Variants in LMX1A observed in about 807,000 individuals in gnomAD.
LMX1A encodes LIM homeobox transcription factor 1 alpha.
LMX1A carries 15 observed loss-of-function variants against 49.1 expected under a neutral mutation model. The ratio of observed to expected loss-of-function variants is 0.31; its 90% CI spans 0.20 to 0.47. The LOEUF (loss-of-function observed/expected upper bound fraction) is 0.47, where lower values mean the gene tolerates loss of function less well. Ranked by LOEUF, LMX1A falls within the 20% of genes least tolerant of loss-of-function variation. The pLI is 1.00. For synonymous variants in LMX1A, 167 were observed against 185.7 expected (o/e 0.90, Z 0.82); for missense variants, 372 against 475.8 (o/e 0.78, Z 2.03).
intron 3 of LMX1A, among the ~76,000 whole-genome samples, chr1:165,265,738 C>A (rs1011641955): frequency 2.0e-5 from 3 of 152,128 alleles, no homozygotes; most frequent in African/African-American, 7.2e-5. Context: ...CAGGTCAGTA[C>A]CTTAACTCCA....
chr1:165,324,407 G>A (rs995195502), intron 3 of LMX1A, among the ~76,000 whole-genome samples: 29 of 152,134 alleles, frequency 1.9e-4, no homozygotes, highest in African/African-American at 6.8e-4. Flanking sequence ...GCCTTTGAGT[G>A]TCCACAGTGC....
chr1:165,255,628 C>T lies in LMX1A; in HGVS notation c.264-5988G>A, dbSNP rs985242248. On this transcript the variant is annotated intron_variant, in intron 3 of 8. Transcript: ENST00000342310. ...ATTTTTTGGGCCTTTATCATTTGAC[C>T]TTTGCAGATTTTTCTTTCTTGCCTC... Among the ~76,000 whole-genome samples, 33 of 152,138 alleles carry T rather than the reference C, an allele frequency of 2.2e-4. 1 individual carries two copies. The highest frequency in any genetic ancestry group is 1.3e-4 in the Admixed American group (2 of 15,282).
intron 3 of LMX1A, among the ~76,000 whole-genome samples, chr1:165,345,354 A>G (rs1368886186): frequency 6.6e-6 from 1 of 152,210 alleles, no homozygotes; most frequent in Non-Finnish European, 1.5e-5. Context: ...TAAGAGATGA[A>G]GGATGCTTCT....
chr1:165,346,063 A>G (rs1313505897), intron 3 of LMX1A, among the ~76,000 whole-genome samples: 1 of 152,208 alleles, frequency 6.6e-6, no homozygotes, highest in Non-Finnish European at 1.5e-5. Context: ...GTCCAGATAC[A>G]GCATGTGGTC....
chr1:165,298,484 A>G (rs1186760834), intron 3 of LMX1A, among the ~76,000 whole-genome samples: 1 of 152,248 alleles, frequency 6.6e-6, no homozygotes, highest in Non-Finnish European at 1.5e-5. Flanking sequence ...GTCCAGGTGC[A>G]AGAACACACA....
At chr1:165,350,391 A>C (rs114578159) in intron 3 of LMX1A, among the ~76,000 whole-genome samples, 3 of 152,224 alleles carry the variant, frequency 2.0e-5, no homozygotes, top group African/African-American at 4.8e-5. Context: ...TGGCAAGGAC[A>C]ACACAGATGC....
Position 165,355,574 on chromosome 1 carries a change from G to C in LMX1A, c.-15C>G, listed in dbSNP as rs761410142. 6.2e-7 allele frequency: 1 copy of C among 1,612,664 alleles called. No individual in the cohort carries two copies. The highest frequency in any genetic ancestry group is 2.2e-5 in the East Asian group (1 of 44,824). On this transcript the variant is annotated 5_prime_UTR_variant, in exon 2 of 9. Transcript: ENST00000342310. This position sits in a 1 kb window ranked among gnomAD's most constrained non-coding sequence, Gnocchi z 4.7. ...CCGTCCAGCATGTTCGGGCCGGGCC[G>C]GGAGGACCTGTAGAGGAGAAGAAAC...
At chr1:165,291,856 A>G (rs191160364) in intron 3 of LMX1A, among the ~76,000 whole-genome samples, 2,156 of 151,932 alleles carry the variant, frequency 0.014, 48 homozygotes, top group African/African-American at 0.049. Flanking sequence ...AAGGTCAGGA[A>G]ATCGAGACCA....
intron 3 of LMX1A, among the ~76,000 whole-genome samples, chr1:165,287,687 C>T (rs907306801): frequency 6.6e-6 from 1 of 152,070 alleles, no homozygotes; most frequent in Non-Finnish European, 1.5e-5. Flanking sequence ...TTGAGGAATA[C>T]TCTAACTCAA....
intron 4 of LMX1A, among the ~76,000 whole-genome samples, chr1:165,224,558 T>A (rs989366055): frequency 7.9e-5 from 12 of 152,312 alleles, no homozygotes; most frequent in Admixed American, 7.8e-4. Context: ...TTCTATATAA[T>A]TAGAATAAGC....
chr1:165,312,383 G>A (rs1655100814), intron 3 of LMX1A, among the ~76,000 whole-genome samples: 1 of 152,102 alleles, frequency 6.6e-6, no homozygotes, highest in South Asian at 2.1e-4. Context: ...CATAAAACAG[G>A]TATGCTTATC....
intron 3 of LMX1A, among the ~76,000 whole-genome samples, chr1:165,317,006 C>T (rs147302336): frequency 1.9e-3 from 293 of 152,290 alleles, no homozygotes; most frequent in Non-Finnish European, 3.6e-3. Flanking sequence ...GGATTATTTA[C>T]GGAACTGATA....
At chr1:165,297,620 T>A (rs1571208660) in intron 3 of LMX1A, among the ~76,000 whole-genome samples, 1 of 151,678 alleles carries the variant, frequency 6.6e-6, no homozygotes. Context: ...GTGGCTAGAG[T>A]CTAGTAGAAA....
intron 4 of LMX1A, among the ~76,000 whole-genome samples, chr1:165,244,690 G>A (rs1250437632): frequency 6.6e-6 from 1 of 152,082 alleles, no homozygotes; most frequent in Non-Finnish European, 1.5e-5. Context: ...GTAGAGACTG[G>A]ATAAGCATCT....
At chr1:165,249,284 A>T in intron 4 of LMX1A, 124 bp downstream of exon 4, 1 of 652,426 alleles carries the variant, frequency 1.5e-6, no homozygotes, top group East Asian at 2.7e-5. Context: ...AAATACACAG[A>T]ACTGCCTTGC....
chr1:165,314,208 G>A (rs781646949), intron 3 of LMX1A, among the ~76,000 whole-genome samples: 37 of 152,332 alleles, frequency 2.4e-4, no homozygotes, highest in Non-Finnish European at 4.9e-4. Flanking sequence ...GTGACAGCGT[G>A]AGGACAGTCG....
At chr1:165,244,124 C>T (rs923136456) in intron 4 of LMX1A, among the ~76,000 whole-genome samples, 6 of 152,192 alleles carry the variant, frequency 3.9e-5, no homozygotes, top group Admixed American at 1.3e-4. Flanking sequence ...AAGGACAAAG[C>T]TAGGGAACTT....
chr1:165,283,366 A>C (rs998762831), intron 3 of LMX1A, among the ~76,000 whole-genome samples: 1 of 152,184 alleles, frequency 6.6e-6, no homozygotes, highest in Non-Finnish European at 1.5e-5. Flanking sequence ...CTAACAACAG[A>C]TCTCTCAGAA....
At chr1:165,286,180 TC>T (rs1185695485) in intron 3 of LMX1A, among the ~76,000 whole-genome samples, 1 of 152,218 alleles carries the variant, frequency 6.6e-6, no homozygotes, top group Non-Finnish European at 1.5e-5. Context: ...AATTTCCTCC[TC>T]TGTAAAATAG....
Sources: gnomAD v4.1 joint callset for allele counts (sites outside exome capture counted in the v4.1 genomes callset) on GRCh38, gnomAD v4.1.1 for gene constraint, Gnocchi (gnomAD v3.1) non-coding constraint, MANE v1.5 for transcripts, NCBI Gene and HGNC (gene_info 2026-07-23, HGNC 2026-07-21) for gene names.